The following FOXN3 variants were observed in gnomAD, a reference collection of about 807,000 sequenced individuals.
The protein encoded by FOXN3 is forkhead box protein N3.
Under a neutral mutation model 38.4 loss-of-function variants are expected in FOXN3, and 7 were observed. That is an observed-to-expected ratio of 0.18 (90% CI 0.10 to 0.34). FOXN3 has a LOEUF of 0.34. FOXN3 is among the 10% of genes least tolerant of loss of function. FOXN3 has a pLI of 1.00. For missense variants in FOXN3, 456 were observed against 613.4 expected, an observed-to-expected ratio of 0.74 and a Z score of 2.71; for synonymous variants, 230 against 242.2, an observed-to-expected ratio of 0.95 and a Z score of 0.47.
At chr14:89,472,123 C>T (rs1384319293) in intron 1 of FOXN3, among the ~76,000 whole-genome samples, 1 of 152,042 alleles carries the variant, frequency 6.6e-6, no homozygotes, top group African/African-American at 2.4e-5. Flanking sequence ...GGCATGGTGG[C>T]GGGTGCCTGT....
chr14:89,504,837 C>T (rs1893877778), intron 1 of FOXN3, among the ~76,000 whole-genome samples: 1 of 152,224 alleles, frequency 6.6e-6, no homozygotes, highest in African/African-American at 2.4e-5. Context: ...GCTGTTACCA[C>T]TTCCCCAACC....
At chr14:89,616,887 A>C (rs1391388325) in intron 1 of FOXN3, among the ~76,000 whole-genome samples, 1 of 152,218 alleles carries the variant, frequency 6.6e-6, no homozygotes, top group South Asian at 2.1e-4. Flanking sequence ...CTAGGAGACC[A>C]CATTTTTGGT....
At chr14:89,178,332 T>TA (rs1887579638) in intron 5 of FOXN3, among the ~76,000 whole-genome samples, 1 of 152,190 alleles carries the variant, frequency 6.6e-6, no homozygotes, top group Non-Finnish European at 1.5e-5. Context: ...AAACTTTTTG[T>TA]AGAGCTGGGA....
At chr14:89,523,187 C>T (rs1265568938) in intron 1 of FOXN3, among the ~76,000 whole-genome samples, 1 of 152,004 alleles carries the variant, frequency 6.6e-6, no homozygotes, top group African/African-American at 2.4e-5. Context: ...TGTCTAGACA[C>T]CTAATAACAG....
chr14:89,554,279 C>T (rs892638602), intron 1 of FOXN3, among the ~76,000 whole-genome samples: 3 of 152,102 alleles, frequency 2.0e-5, no homozygotes, highest in Non-Finnish European at 4.4e-5. Context: ...GGATTATAGG[C>T]ATGAGCCACC....
At chr14:89,492,024 C>T (rs1893586387) in intron 1 of FOXN3, among the ~76,000 whole-genome samples, 2 of 152,150 alleles carry the variant, frequency 1.3e-5, no homozygotes, top group African/African-American at 4.8e-5. Context: ...GAAAAACATA[C>T]ACAAACGTCC....
chr14:89,339,330 G>C (rs2139996346), intron 3 of FOXN3, among the ~76,000 whole-genome samples: 1 of 152,236 alleles, frequency 6.6e-6, no homozygotes, highest in South Asian at 2.1e-4. Context: ...AGGGACCAGA[G>C]GCTTCAGGTA....
intron 2 of FOXN3, among the ~76,000 whole-genome samples, chr14:89,360,706 CCTCCAG>C: frequency 6.8e-6 from 1 of 146,616 alleles, no homozygotes; most frequent in Non-Finnish European, 1.5e-5. Context: ...GCTACCACCA[CCTCCAG>C]CACTACCTCC....
intron 4 of FOXN3, among the ~76,000 whole-genome samples, chr14:89,202,394 C>T: frequency 6.6e-6 from 1 of 152,228 alleles, no homozygotes; most frequent in East Asian, 1.9e-4. Flanking sequence ...ATGCCATAAA[C>T]CACTGTTCTG....
chr14:89,359,790 G>A (rs911599982), intron 2 of FOXN3, among the ~76,000 whole-genome samples: 1 of 152,216 alleles, frequency 6.6e-6, no homozygotes, highest in African/African-American at 2.4e-5. Flanking sequence ...AAGGGAGCAG[G>A]ACAGGGCAAC....
chr14:89,414,820 G>C (rs1420433619), intron 1 of FOXN3, among the ~76,000 whole-genome samples: 1 of 152,094 alleles, frequency 6.6e-6, no homozygotes, highest in Admixed American at 6.6e-5. Flanking sequence ...CAAAGTGCTG[G>C]GATTACAGGC....
At chr14:89,478,697 C>T (rs1467817960) in intron 1 of FOXN3, among the ~76,000 whole-genome samples, 3 of 151,802 alleles carry the variant, frequency 2.0e-5, no homozygotes, top group South Asian at 2.1e-4. Flanking sequence ...TTTTGGAGGC[C>T]GAGGCAGGCG....
At chr14:89,364,870 T>A (rs767115643) in intron 2 of FOXN3, among the ~76,000 whole-genome samples, 1 of 152,172 alleles carries the variant, frequency 6.6e-6, no homozygotes. Context: ...TGGGTAGAAT[T>A]GTAAGGACTC....
chr14:89,170,975 C>T (rs1887373893), intron 5 of FOXN3, among the ~76,000 whole-genome samples: 1 of 149,164 alleles, frequency 6.7e-6, no homozygotes, highest in Non-Finnish European at 1.5e-5. Context: ...AGAATAAATC[C>T]AAAAAAGAAA....
chr14:89,235,729 T>C (rs539049022), intron 4 of FOXN3, among the ~76,000 whole-genome samples: 5 of 152,266 alleles, frequency 3.3e-5, no homozygotes, highest in East Asian at 1.9e-4. Flanking sequence ...GTCAGAGTGA[T>C]TTCATGTGAG....
chr14:89,420,044 C>T (rs572023593), upstream of FOXN3, among the ~76,000 whole-genome samples: 2 of 152,252 alleles, frequency 1.3e-5, no homozygotes, highest in South Asian at 4.1e-4. Context: ...GCTGGGCAGG[C>T]ACACACCGCT....
At chr14:89,226,154 C>T (rs542845240) in intron 4 of FOXN3, among the ~76,000 whole-genome samples, 1 of 146,102 alleles carries the variant, frequency 6.8e-6, no homozygotes, top group Non-Finnish European at 1.5e-5. Flanking sequence ...GTTTTCTGAC[C>T]ATTGATCTAC....
chr14:89,363,132 T>C (rs897938668), intron 2 of FOXN3, among the ~76,000 whole-genome samples: 2 of 152,112 alleles, frequency 1.3e-5, no homozygotes, highest in Non-Finnish European at 2.9e-5. Flanking sequence ...ACTGCAGGCG[T>C]GCACACACAT....
chr14:89,169,546 A>T (rs868859104), intron 5 of FOXN3, among the ~76,000 whole-genome samples: 3 of 150,016 alleles, frequency 2.0e-5, no homozygotes, highest in South Asian at 2.1e-4. Flanking sequence ...ACACACACAC[A>T]CACAAAACAC....
Sources: gnomAD v4.1 joint callset for allele counts (sites outside exome capture counted in the v4.1 genomes callset) on GRCh38, gnomAD v4.1.1 for gene constraint, MANE v1.5 for transcripts, NCBI Gene and HGNC (gene_info 2026-07-23, HGNC 2026-07-21) for gene names.